The following SYTL3 variants were observed in gnomAD, a reference collection of about 807,000 sequenced individuals.
SYTL3 encodes the protein synaptotagmin-like protein 3.
A neutral mutation model predicts 82.1 loss-of-function variants in SYTL3; 88 were observed. That is an observed-to-expected ratio of 1.07 (90% confidence interval 0.90 to 1.28). The LOEUF is 1.28. Among genes scored for constraint, SYTL3 ranks in the 50% most tolerant of loss-of-function variants. The pLI is 0.00. For synonymous variants in SYTL3, 311 were observed against 289.4 expected (o/e 1.07, Z -0.76); for missense variants, 831 against 757.6 (o/e 1.10, Z -1.14).
chr6:158,693,844 C>CTTTTACTTTTTTTTTTT lies in SYTL3; in HGVS notation c.394+10859_394+10860insACTTTTTTTTTTTTTTT, dbSNP rs763990639. ...AGGTGTGCCACTGCATCCAGCCTTT[C>CTTTTACTTTTTTTTTTT]TTTTTCTTTTCTTTTTTTTTTTTTT... On this transcript the variant is annotated intron_variant, in intron 6 of 17. Coordinates refer to ENST00000611299, the MANE Select transcript of SYTL3 (RefSeq NM_001242394.2). Among the ~76,000 whole-genome samples the CTTTTACTTTTTTTTTTT allele has an allele frequency of 6.2e-3, 344 of 55,470 alleles. 13 individuals carry two copies. Among genetic ancestry groups the CTTTTACTTTTTTTTTTT allele is most frequent in the Non-Finnish European group, 7.8e-3 (229 of 29,434 alleles). 36.4% of individuals were successfully genotyped at this position (55,470 alleles called of 152,430 possible).
chr6:158,693,855 C>CTTTTCTTTTCTTTCTT (rs71030191), intron 6 of SYTL3, among the ~76,000 whole-genome samples: 1 of 96,866 alleles, frequency 1.0e-5, no homozygotes, highest in African/African-American at 5.4e-5. Context: ...TTTTTCTTTT[C>CTTTTCTTTTCTTTCTT]TTTTTTTTTT....
chr6:158,758,925 CGGGT>C (rs1583508463), intron 14 of SYTL3, among the ~76,000 whole-genome samples: 1 of 152,166 alleles, frequency 6.6e-6, no homozygotes, highest in Non-Finnish European at 1.5e-5. Context: ...AGCCACGTTG[CGGGT>C]GGGTGAAGCA....
intron 5 of SYTL3, among the ~76,000 whole-genome samples, chr6:158,672,199 G>A (rs2009055): frequency 0.18 from 27,450 of 152,146 alleles, 3,670 homozygotes; most frequent in East Asian, 0.68. Context: ...GTTGAGGCAG[G>A]AGAATTGCTT....
At chr6:158,732,565 A>G (rs1785543545) in intron 11 of SYTL3, among the ~76,000 whole-genome samples, 2 of 152,252 alleles carry the variant, frequency 1.3e-5, no homozygotes, top group African/African-American at 4.8e-5. Flanking sequence ...AAACTGTGCC[A>G]GACTCTCTCT....
upstream of SYTL3, among the ~76,000 whole-genome samples, chr6:158,649,641 T>TC (rs1351643264): frequency 6.6e-6 from 1 of 152,240 alleles, no homozygotes; most frequent in African/African-American, 2.4e-5. Flanking sequence ...GGCCTGGCTG[T>TC]CCCCCTTTCT....
intron 6 of SYTL3, among the ~76,000 whole-genome samples, chr6:158,692,945 C>T (rs915889053): frequency 2.0e-5 from 3 of 146,878 alleles, no homozygotes; most frequent in African/African-American, 8.0e-5. Context: ...AGCGAGACTC[C>T]GTCTCAAAAA....
At chr6:158,728,179 C>G (rs1386294106) in intron 11 of SYTL3, among the ~76,000 whole-genome samples, 1 of 152,114 alleles carries the variant, frequency 6.6e-6, no homozygotes. Flanking sequence ...TGAAGATATT[C>G]TCCCATGTTT....
chr6:158,708,984 G>A (rs892930155), intron 8 of SYTL3, among the ~76,000 whole-genome samples: 37 of 152,172 alleles, frequency 2.4e-4, no homozygotes, highest in African/African-American at 8.4e-4. Flanking sequence ...GGTGGCTCAC[G>A]CCAGCACTTT....
chr6:158,703,068 C>A (rs999090503), intron 6 of SYTL3, among the ~76,000 whole-genome samples: 3 of 150,092 alleles, frequency 2.0e-5, no homozygotes, highest in African/African-American at 7.4e-5. Context: ...GCAGGAGAAT[C>A]ACTCGAACCT....
At chr6:158,693,844 C>CTTTT (rs367789233) in intron 6 of SYTL3, among the ~76,000 whole-genome samples, 1 of 55,598 alleles carries the variant, frequency 1.8e-5, no homozygotes, top group Non-Finnish European at 3.4e-5. Flanking sequence ...TCCAGCCTTT[C>CTTTT]TTTTTCTTTT....
intron 16 of SYTL3, 65 bp from the exon 17 acceptor site, chr6:158,763,239 C>A: frequency 6.7e-7 from 1 of 1,488,820 alleles, no homozygotes; most frequent in Non-Finnish European, 9.4e-7. Context: ...TGCACTGACG[C>A]ACAGGCCTCA....
At chr6:158,758,513 C>T (rs374963649) in intron 14 of SYTL3, among the ~76,000 whole-genome samples, 2 of 152,140 alleles carry the variant, frequency 1.3e-5, no homozygotes, top group Non-Finnish European at 2.9e-5. Context: ...CCTTCTGCTC[C>T]GACCTGGACA....
intron 6 of SYTL3, among the ~76,000 whole-genome samples, chr6:158,703,812 A>ATATTATTAT (rs531980948): frequency 0.085 from 10,477 of 122,546 alleles, 617 homozygotes; most frequent in African/African-American, 0.16. Context: ...AGTGGGTTTT[A>ATATTATTAT]TATTATTATC....
intron 13 of SYTL3, among the ~76,000 whole-genome samples, chr6:158,755,636 C>T (rs903514711): frequency 6.6e-6 from 1 of 152,200 alleles, no homozygotes; most frequent in South Asian, 2.1e-4. Flanking sequence ...GGGAAATTAC[C>T]GTGTCTCAGT....
At chr6:158,742,009 T>C (rs1211549217) in intron 11 of SYTL3, among the ~76,000 whole-genome samples, 1 of 152,262 alleles carries the variant, frequency 6.6e-6, no homozygotes, top group Non-Finnish European at 1.5e-5. Context: ...GAGCCCCTAC[T>C]GCACTGTATG....
intron 6 of SYTL3, among the ~76,000 whole-genome samples, chr6:158,694,403 C>A (rs1351261019): frequency 6.6e-6 from 1 of 151,960 alleles, no homozygotes; most frequent in Non-Finnish European, 1.5e-5. Context: ...TCAAGCAATC[C>A]TCCCTCTCAG....
intron 5 of SYTL3, among the ~76,000 whole-genome samples, chr6:158,670,482 C>A (rs1255878873): frequency 6.6e-6 from 1 of 152,160 alleles, no homozygotes; most frequent in Non-Finnish European, 1.5e-5. Context: ...CCCTCTAAAT[C>A]CTACTTTTAA....
chr6:158,733,826 G>T (rs537127519), intron 11 of SYTL3, among the ~76,000 whole-genome samples: 1 of 150,838 alleles, frequency 6.6e-6, no homozygotes, highest in Admixed American at 6.6e-5. Flanking sequence ...GGCCGGGCGC[G>T]GTGGCTCACG....
At chr6:158,699,601 C>T (rs994303123) in intron 6 of SYTL3, among the ~76,000 whole-genome samples, 1 of 152,038 alleles carries the variant, frequency 6.6e-6, no homozygotes, top group African/African-American at 2.4e-5. Context: ...GCTGTGAGCC[C>T]TGCTGTGGGT....
Sources: allele counts gnomAD v4.1 joint callset (sites outside exome capture counted in the v4.1 genomes callset), GRCh38; gene constraint gnomAD v4.1.1; transcripts MANE v1.5; gene names NCBI Gene and HGNC (gene_info 2026-07-23, HGNC 2026-07-21).